Variants in CROCC observed in about 807,000 individuals in gnomAD.
CROCC encodes ciliary rootlet coiled-coil, rootletin.
Under a neutral mutation model 245.2 loss-of-function variants are expected in CROCC, and 180 were observed. The observed-to-expected ratio is 0.73, with a 90% CI of 0.65 to 0.83. The LOEUF is 0.83. CROCC is among the 40% of genes least tolerant of loss of function. The probability of loss-of-function intolerance (pLI) is 0.00; values close to 1 mark genes in which losing one functional copy is unlikely to be tolerated. For missense variants in CROCC, 2,688 were observed against 2,779.4 expected (o/e 0.97, Z 0.74); for synonymous variants, 1,205 against 1,241.6 (o/e 0.97, Z 0.62).
At chr1:16,964,169 C>G (rs1185581493) in intron 27 of CROCC, among the ~76,000 whole-genome samples, 6 of 145,616 alleles carry the variant, frequency 4.1e-5, no homozygotes, top group Non-Finnish European at 1.5e-5. Flanking sequence ...GAGTCTCTCT[C>G]TGTTGCCCAG....
Position 16,968,238 on chromosome 1 carries a change from G to A in CROCC, c.4896G>A (p.Lys1632=), listed in dbSNP as rs977910188. ...GCAAGATGAAGGCCAATGAGACAAA[G>A]CTGGAGGGCGACAAGCGGCGCCTGA... ...KISKMKANET[K]LEGDKRRLKE... The change falls in exon 31 of 37, where the codon AAG becomes AAA. Residue 1632 remains lysine, a synonymous_variant. Coordinates refer to ENST00000375541, the MANE Select transcript of CROCC (RefSeq NM_014675.5). 6.4e-6 allele frequency: 10 copies of A among 1,568,006 alleles called. No homozygotes were observed. Among genetic ancestry groups the A allele is most frequent in the Non-Finnish European group, 8.6e-6 (10 of 1,157,946 alleles).
chr1:16,924,429 C>T lies in CROCC; in HGVS notation c.301C>T (p.Arg101Cys), dbSNP rs149249750. The change falls in exon 3 of 37, where the codon CGT (arginine) becomes TGT (cysteine). Residue 101 changes from arginine (R) to cysteine (C), a missense_variant. By Grantham distance (180) the Arg-to-Cys change is radical. This residue lies in a region of CROCC where 972 missense variants were observed against 895.3 expected (regional missense o/e 1.09). Transcript: ENST00000375541. ...CGTGGAGGACCTGCTGGCCCAGAGC[C>T]GTGCCGAGCGCGATGAGCTCGCCAT... ...SRVEDLLAQS[R>C]AERDELAIKY... 257 of 1,613,236 alleles carry T rather than the reference C, an allele frequency of 1.6e-4. No individual in the cohort carries two copies. Among genetic ancestry groups the T allele is most frequent in the African/African-American group, 1.3e-3 (95 of 75,056 alleles).
At chr1:16,971,375 C>T (rs559472811) in intron 35 of CROCC, 90 bp from the exon 36 acceptor site, 20 of 1,439,506 alleles carry the variant, frequency 1.4e-5, no homozygotes, top group African/African-American at 8.6e-5. Flanking sequence ...CTGCACTGGC[C>T]GTGTCCCAGG....
Position 16,968,383 on chromosome 1 carries a change from G to A in CROCC, c.5041G>A (p.Ala1681Thr). ...GLSDREAQAQALQDRVDSLQR... is the reference protein window; with the variant it reads ...GLSDREAQAQTLQDRVDSLQR... ...CAGTGACCGCGAGGCCCAAGCCCAG[G>A]CCCTCCAGGATCGGGTGGATTCCCT... Residue 1681 changes from alanine to threonine, a missense_variant, in exon 31 of 37, where the codon GCC becomes ACC. By Grantham distance (58) the Ala-to-Thr change is moderately conservative. Around this residue, in one of 9 missense-constraint regions of CROCC, gnomAD observed 1,218 missense variants for 1,286.3 expected, o/e 0.95. Coordinates refer to ENST00000375541, the MANE Select transcript of CROCC (RefSeq NM_014675.5). The A allele has an allele frequency of 1.3e-6, 2 of 1,516,766 alleles. No individual in the cohort carries two copies. The highest frequency in any genetic ancestry group is 1.8e-6 in the Non-Finnish European group (2 of 1,131,446). The allele number at this position is 1,516,766 out of a possible 1,614,324, so 94.0% of individuals were successfully genotyped here. A position where few individuals can be genotyped will look rare whatever the true frequency, so the allele number is the denominator to read the frequency against.
chr1:16,971,959 AG>A (rs2076529034), intron 36 of CROCC, among the ~76,000 whole-genome samples: 1 of 152,206 alleles, frequency 6.6e-6, no homozygotes, highest in African/African-American at 2.4e-5. Flanking sequence ...AGAAGAGAGC[AG>A]GGGCAGAAGT....
intron 13 of CROCC, chr1:16,941,309 C>A (rs1339065873): frequency 1.3e-5 from 2 of 152,468 alleles, no homozygotes; most frequent in African/African-American, 4.8e-5. Flanking sequence ...CCTGTAATCC[C>A]AGCTATTCAG....
In CROCC at chr1:16,930,048, C is replaced by A. The variant is rs1437733705; in HGVS notation, c.537+17C>A. On this transcript the variant is annotated intron_variant, in intron 4 of 36. Coordinates refer to ENST00000375541, the MANE Select transcript of CROCC (RefSeq NM_014675.5). The stretch of plus-strand genomic sequence containing the variant: ...CAGGGCAAGGTCAGGACCACCCACT[C>A]CTGCTCCTGTCCTCCCACCTGTTCA... The A allele has an allele frequency of 6.4e-7, 1 of 1,567,250 alleles. No homozygotes were observed. The highest frequency in any genetic ancestry group is 8.6e-7 in the Non-Finnish European group (1 of 1,159,516).
In CROCC at chr1:16,948,438, A is replaced by G. The variant is rs375006636; in HGVS notation, c.2622A>G (p.Leu874=). ...GAGCGGCCCGTGAGAAGGAGGCGCTAGCCAAGGAGCACGCTGGCCTGGCTG... is the reference window on the plus strand; with the variant it reads ...GAGCGGCCCGTGAGAAGGAGGCGCTGGCCAAGGAGCACGCTGGCCTGGCTG... ...LERAAREKEA[L]AKEHAGLAVQ... is the part of the protein sequence containing the mutation. Residue 874 remains leucine (L), a synonymous_variant, in exon 18 of 37, where the codon CTA becomes CTG. Transcript: ENST00000375541. The G allele has an allele frequency of 1.1e-5, 17 of 1,567,576 alleles. No homozygotes were observed. In the African/African-American group the frequency reaches 2.2e-4, roughly 20 times the overall value.
intron 1 of CROCC, among the ~76,000 whole-genome samples, chr1:16,915,819 C>G (rs2075296605): frequency 6.6e-6 from 1 of 152,236 alleles, no homozygotes; most frequent in Non-Finnish European, 1.5e-5. Flanking sequence ...AAGTGCGTCC[C>G]AGGCAGAGAA....
Position 16,966,556 on chromosome 1 carries a change from G to C in CROCC, c.4845G>C (p.Glu1615Asp), listed in dbSNP as rs1484848044. Residue 1615 changes from glutamate to aspartate, a missense_variant, in exon 30 of 37, where the codon GAG becomes GAC. Around this residue, in one of 9 missense-constraint regions of CROCC, gnomAD observed 1,218 missense variants for 1,286.3 expected, o/e 0.95. Transcript: ENST00000375541. This position sits in a 1 kb window ranked among gnomAD's most constrained non-coding sequence, Gnocchi z 4.8. Reference protein sequence around the residue: ...LERSLQATESELRASQEKISK... With the variant: ...LERSLQATESDLRASQEKISK... ...GGAGCCTGCAGGCCACCGAGAGCGA[G>C]CTCCGGGCCAGCCAGGTGGGCAGGA... 6.7e-7 allele frequency: 1 copy of C among 1,486,234 alleles called. No individual in the cohort carries two copies. The highest frequency in any genetic ancestry group is 8.9e-7 in the Non-Finnish European group (1 of 1,121,224). 92.1% of individuals were successfully genotyped at this position (1,486,234 alleles called of 1,614,324 possible).
chr1:16,921,303 A>G (rs2075399998), upstream of CROCC, among the ~76,000 whole-genome samples: 1 of 152,416 alleles, frequency 6.6e-6, no homozygotes, highest in South Asian at 2.1e-4. Context: ...AAGCTTCCCA[A>G]TAAGTGCCTG....
In CROCC at chr1:16,929,852, C is replaced by T. The variant is rs1018450259; in HGVS notation, c.358C>T (p.Gln120Ter). Residue 120 changes from glutamine to a stop codon, truncating the protein, a stop_gained, in exon 4 of 37, where the codon CAG becomes TAG. Transcript: ENST00000375541. LOFTEE classifies it high-confidence loss of function. Reference protein sequence around the residue: ...KYNAVSERLEQALRLEPGELE... With the variant: ...KYNAVSERLE The stretch of plus-strand genomic sequence containing the variant: ...CCAGGGCCCTTCCCTGCAGCTGGAG[C>T]AGGCTCTGCGGCTGGAGCCTGGGGA... 2.6e-6 allele frequency: 4 copies of T among 1,557,896 alleles called. No individual in the cohort carries two copies. In the African/African-American group the frequency reaches 4.0e-5, roughly 16 times the overall value.
chr1:16,961,645 C>T (rs986109951), intron 27 of CROCC, among the ~76,000 whole-genome samples: 1 of 152,120 alleles, frequency 6.6e-6, no homozygotes, highest in Non-Finnish European at 1.5e-5. Context: ...ACTCTGTCAC[C>T]TCAGTTGAAG....
intron 13 of CROCC, among the ~76,000 whole-genome samples, chr1:16,942,723 A>G (rs1277914732): frequency 6.6e-6 from 1 of 152,296 alleles, no homozygotes; most frequent in African/African-American, 2.4e-5. Flanking sequence ...AGTAAACCCA[A>G]GCTTTCCATG....
chr1:16,930,432 T>G lies in CROCC; in HGVS notation c.687T>G (p.Ser229Arg). 1 of 1,611,524 alleles carries G rather than the reference T, an allele frequency of 6.2e-7. No individual in the cohort carries two copies. The highest frequency in any genetic ancestry group is 8.5e-7 in the Non-Finnish European group (1 of 1,179,734). Residue 229 changes from serine to arginine, a missense_variant, in exon 7 of 37, where the codon AGT becomes AGG. This residue lies in a region of CROCC where 972 missense variants were observed against 895.3 expected (regional missense o/e 1.09). Transcript: ENST00000375541. ...LIRLEEEQQRSASLAQVNAML... is the reference protein window; with the variant it reads ...LIRLEEEQQRRASLAQVNAML... Reference sequence around the variant, plus strand: ...TGATCCCCTGTGCCCCATTCAGGAGTGCCAGCCTGGCCCAGGTGAATGCCA... The same window carrying G: ...TGATCCCCTGTGCCCCATTCAGGAGGGCCAGCCTGGCCCAGGTGAATGCCA...
At position 16,946,850 on chromosome 1, in the gene CROCC, G is replaced by C. The variant is rs1396177954; in HGVS notation, c.2373G>C (p.Glu791Asp). The C allele has an allele frequency of 2.0e-5, 31 of 1,554,990 alleles. No individual in the cohort carries two copies. Among genetic ancestry groups the C allele is most frequent in the Non-Finnish European group, 2.6e-5 (30 of 1,149,210 alleles). ...CGCGGGAAGAGCAGGAACGGCTAGA[G>C]GAGCTGCGGTTGGAGCAGGAGGTGG... Reference protein sequence around the residue: ...TVAREEQERLEELRLEQEVAR... With the variant: ...TVAREEQERLDELRLEQEVAR... Residue 791 changes from glutamate (E) to aspartate (D), a missense_variant, in exon 17 of 37, where the codon GAG (glutamate) becomes GAC (aspartate). By Grantham distance (45) the Glu-to-Asp change is conservative (BLOSUM62 2). Transcript: ENST00000375541.
rs1381548530 is a variant in CROCC, at chr1:16,947,062, C to G, written c.2514+71C>G. 16 of 1,367,856 alleles carry G rather than the reference C, an allele frequency of 1.2e-5. No homozygotes were observed. The Admixed American group carries it at 2.3e-4, about 20-fold the overall frequency. 84.7% of individuals were successfully genotyped at this position (1,367,856 alleles called of 1,614,324 possible). On this transcript the variant is annotated intron_variant, in intron 17 of 36. Transcript: ENST00000375541. ...AGGCCGGGCTCCCAGCCCCCTGCAT[C>G]CAGTCCTGGGTTAAGTCACAGGCAC...
At chr1:16,919,807 T>G (rs1056356689), upstream of CROCC, among the ~76,000 whole-genome samples, 3 of 152,276 alleles carry the variant, frequency 2.0e-5, no homozygotes, top group African/African-American at 4.8e-5. Flanking sequence ...CTCAAACTCC[T>G]GGGCTCAAGC....
chr1:16,942,037 G>T (rs555332154), intron 13 of CROCC, among the ~76,000 whole-genome samples: 28 of 152,298 alleles, frequency 1.8e-4, no homozygotes, highest in African/African-American at 5.8e-4. Context: ...TTGAGACAGG[G>T]TCTTGTTATG....
Sources: allele counts gnomAD v4.1 joint callset (sites outside exome capture counted in the v4.1 genomes callset), GRCh38; gene constraint gnomAD v4.1.1; regional missense constraint gnomAD v4.1.1; non-coding constraint Gnocchi (gnomAD v3.1); transcripts MANE v1.5; gene names NCBI Gene and HGNC (gene_info 2026-07-23, HGNC 2026-07-21).